The following POU6F2 variants were observed in gnomAD, a reference collection of about 807,000 sequenced individuals.
POU6F2 encodes the protein POU domain, class 6, transcription factor 2.
In POU6F2, 31 loss-of-function variants were observed where a neutral mutation model predicts 71.3. That is an observed-to-expected ratio of 0.43 (90% confidence interval 0.33 to 0.59). The LOEUF is 0.59. POU6F2 is among the 20% of genes least tolerant of loss of function. POU6F2 has a pLI of 0.04. For missense variants in POU6F2, 783 were observed against 856.8 expected, an observed-to-expected ratio of 0.91 and a Z score of 1.07; for synonymous variants, 347 against 355.7, an observed-to-expected ratio of 0.98 and a Z score of 0.27.
At chr7:39,440,457 TC>T (rs1788372879) in intron 7 of POU6F2, among the ~76,000 whole-genome samples, 1 of 152,242 alleles carries the variant, frequency 6.6e-6, no homozygotes, top group Non-Finnish European at 1.5e-5. Flanking sequence ...TGATATCCTT[TC>T]TTCCACTTGA....
intron 4 of POU6F2, among the ~76,000 whole-genome samples, chr7:39,320,777 G>A (rs1785372092): frequency 1.3e-5 from 2 of 152,132 alleles, no homozygotes; most frequent in Non-Finnish European, 2.9e-5. Context: ...ATTTTTGGCC[G>A]AGTGCAGTGG....
intron 1 of POU6F2, among the ~76,000 whole-genome samples, chr7:39,007,536 C>A (rs6957686): frequency 0.3 from 46,202 of 151,808 alleles, 7,178 homozygotes; most frequent in South Asian, 0.45. Context: ...ACTTTTTTTT[C>A]TTATTATACT....
intron 6 of POU6F2, among the ~76,000 whole-genome samples, chr7:39,414,366 T>C (rs1417936658): frequency 1.3e-5 from 2 of 152,100 alleles, no homozygotes; most frequent in South Asian, 2.1e-4. Context: ...ACTCGTAATA[T>C]GCAAACCGAG....
At chr7:39,036,232 T>C (rs1478953182) in intron 1 of POU6F2, among the ~76,000 whole-genome samples, 2 of 152,114 alleles carry the variant, frequency 1.3e-5, no homozygotes, top group African/African-American at 4.8e-5. Context: ...CTCTAGACTT[T>C]TGTGCAGCAG....
At chr7:39,344,311 G>A (rs913378689) in intron 5 of POU6F2, among the ~76,000 whole-genome samples, 7 of 152,142 alleles carry the variant, frequency 4.6e-5, no homozygotes, top group African/African-American at 9.7e-5. Flanking sequence ...GCTTGAGAGC[G>A]TGAAATGTAT....
chr7:39,406,527 A>G, intron 5 of POU6F2, 73 bp from the exon 6 acceptor site: 2 of 1,540,640 alleles, frequency 1.3e-6, no homozygotes, highest in South Asian at 2.4e-5. Flanking sequence ...ACCTCCCCAG[A>G]GTCAATGTTG....
chr7:39,103,021 A>G (rs1013006613), intron 2 of POU6F2, among the ~76,000 whole-genome samples: 6 of 136,876 alleles, frequency 4.4e-5, no homozygotes, highest in African/African-American at 1.6e-4. Flanking sequence ...AACTGTATAT[A>G]TCAACAAATA....
rs1790720761 is a variant in POU6F2 at position 39,064,580 on chromosome 7, A to T, written c.106-21280A>T. ...TTAAACTGAAAATAATAATAAAACT[A>T]CAAAAACAACTGAGGTAATCAAAAT... On this transcript the variant is annotated intron_variant, in intron 1 of 9. Transcript: ENST00000518318. 1.3e-5 allele frequency among the ~76,000 whole-genome samples: 2 copies of T among 151,946 alleles called. 1 individual carries two copies. The highest frequency in any genetic ancestry group is 4.1e-4 in the South Asian group (2 of 4,832).
intron 4 of POU6F2, among the ~76,000 whole-genome samples, chr7:39,310,351 TAA>T (rs1306424569): frequency 6.6e-6 from 1 of 152,220 alleles, no homozygotes; most frequent in African/African-American, 2.4e-5. Flanking sequence ...GTGGAAGGGA[TAA>T]GTGTCCTTAT....
At chr7:39,453,016 T>G (rs988248796) in intron 8 of POU6F2, among the ~76,000 whole-genome samples, 3 of 152,176 alleles carry the variant, frequency 2.0e-5, no homozygotes, top group Admixed American at 6.5e-5. Flanking sequence ...CACTTGAACC[T>G]GGGAGGCAGA....
rs185878489 is a variant in POU6F2, at chr7:39,226,073, G to A, written c.598+18453G>A. 3.3e-5 allele frequency among the ~76,000 whole-genome samples: 5 copies of A among 152,084 alleles called. No individual in the cohort carries two copies. The East Asian group carries it at 7.7e-4, about 24-fold the overall frequency. On this transcript the variant is annotated intron_variant, in intron 4 of 9. Coordinates refer to ENST00000518318, the MANE Select transcript of POU6F2 (RefSeq NM_001370959.1). ...AGCTTTCGGGAGCAATCTGTAGTCA[G>A]GCATTTTAAATGAAAATTGATTTGT...
intron 1 of POU6F2, among the ~76,000 whole-genome samples, chr7:39,014,691 G>T (rs1204307627): frequency 6.6e-6 from 1 of 152,020 alleles, no homozygotes; most frequent in Non-Finnish European, 1.5e-5. Flanking sequence ...AGCTTAGACA[G>T]CTTAGACCTG....
intron 2 of POU6F2, among the ~76,000 whole-genome samples, chr7:39,154,453 C>T (rs1584571588): frequency 6.6e-6 from 1 of 152,202 alleles, no homozygotes; most frequent in Admixed American, 6.5e-5. Flanking sequence ...CTTAACAGCA[C>T]TGTTACTGTT....
At chr7:39,039,658 C>A (rs1790139678) in intron 1 of POU6F2, among the ~76,000 whole-genome samples, 1 of 151,354 alleles carries the variant, frequency 6.6e-6, no homozygotes, top group African/African-American at 2.4e-5. Context: ...GAACCATCAG[C>A]ATGTGAGTTG....
intron 1 of POU6F2, among the ~76,000 whole-genome samples, chr7:39,003,358 T>C (rs1003830905): frequency 6.6e-6 from 1 of 151,978 alleles, no homozygotes; most frequent in Non-Finnish European, 1.5e-5. Context: ...GATCTAGTAA[T>C]TCTACTTTTA....
At chr7:39,319,381 T>G (rs924137607) in intron 4 of POU6F2, among the ~76,000 whole-genome samples, 3 of 152,122 alleles carry the variant, frequency 2.0e-5, no homozygotes, top group Admixed American at 6.5e-5. Flanking sequence ...CTCGCTGGAC[T>G]TGGAGATATT....
chr7:39,262,508 A>G (rs1433650860), intron 4 of POU6F2, among the ~76,000 whole-genome samples: 3 of 152,252 alleles, frequency 2.0e-5, no homozygotes, highest in African/African-American at 7.2e-5. Context: ...AATGCCGAAC[A>G]TGCAACAACT....
intron 2 of POU6F2, among the ~76,000 whole-genome samples, chr7:39,109,373 T>C (rs887017716): frequency 3.9e-5 from 6 of 152,340 alleles, no homozygotes; most frequent in African/African-American, 1.4e-4. Flanking sequence ...TAATTCCATA[T>C]ACGATTATTA....
intron 2 of POU6F2, among the ~76,000 whole-genome samples, chr7:39,185,238 G>A (rs1793509008): frequency 6.6e-6 from 1 of 152,066 alleles, no homozygotes; most frequent in South Asian, 2.1e-4. Flanking sequence ...AAGGACAATA[G>A]TGTACTAAGG....
Sources: gnomAD v4.1 joint callset for allele counts (sites outside exome capture counted in the v4.1 genomes callset) on GRCh38, gnomAD v4.1.1 for gene constraint, MANE v1.5 for transcripts, NCBI Gene and HGNC (gene_info 2026-07-23, HGNC 2026-07-21) for gene names.